The following AUTS2 variants were observed in gnomAD, a reference collection of about 807,000 sequenced individuals.
AUTS2 encodes the protein autism susceptibility gene 2 protein.
In AUTS2, 17 loss-of-function variants were observed where a neutral mutation model predicts 112.4. The ratio of observed to expected loss-of-function variants is 0.15; its 90% CI spans 0.10 to 0.23. AUTS2 has a LOEUF of 0.23. AUTS2 is among the 10% of genes least tolerant of loss of function. The pLI is 1.00. For missense variants in AUTS2, 1,510 were observed against 1,701.6 expected (o/e 0.89, Z 1.98); for synonymous variants, 751 against 702.7 (o/e 1.07, Z -1.09).
intron 4 of AUTS2, among the ~76,000 whole-genome samples, chr7:70,340,257 T>G (rs1343147293): frequency 6.6e-6 from 1 of 151,540 alleles, no homozygotes; most frequent in Non-Finnish European, 1.5e-5. Context: ...CCAGTACACA[T>G]TTTTTTTAAT....
chr7:70,582,642 T>C (rs965409273), intron 5 of AUTS2, among the ~76,000 whole-genome samples: 12 of 152,166 alleles, frequency 7.9e-5, no homozygotes, highest in Admixed American at 5.9e-4. Flanking sequence ...AAAGTGTGGG[T>C]AGAATGCTGA....
chr7:69,944,187 T>C (rs1796725382), intron 2 of AUTS2, among the ~76,000 whole-genome samples: 1 of 152,192 alleles, frequency 6.6e-6, no homozygotes, highest in Non-Finnish European at 1.5e-5. Context: ...ACTCGACTTG[T>C]GACCTTGAGG....
intron 2 of AUTS2, among the ~76,000 whole-genome samples, chr7:70,062,557 C>T (rs186467329): frequency 2.0e-5 from 3 of 151,672 alleles, no homozygotes; most frequent in Admixed American, 2.0e-4. Context: ...TTTATCCCAA[C>T]GTACATTGTT....
chr7:69,824,257 C>CA (rs1791138654), intron 1 of AUTS2, among the ~76,000 whole-genome samples: 2 of 151,810 alleles, frequency 1.3e-5, no homozygotes, highest in South Asian at 4.2e-4. Flanking sequence ...ACTAAAAATA[C>CA]AAAAAATTAG....
chr7:70,658,763 C>G (rs924959375), intron 5 of AUTS2, among the ~76,000 whole-genome samples: 4 of 152,126 alleles, frequency 2.6e-5, no homozygotes, highest in African/African-American at 7.2e-5. Context: ...TCATGGTAAG[C>G]CTGCGTATTT....
intron 2 of AUTS2, among the ~76,000 whole-genome samples, chr7:70,014,141 A>C (rs930931859): frequency 6.6e-6 from 1 of 152,214 alleles, no homozygotes; most frequent in Admixed American, 6.5e-5. Context: ...TAACTATAAA[A>C]ATGAGTGTAA....
intron 2 of AUTS2, among the ~76,000 whole-genome samples, chr7:70,030,047 G>A (rs183935373): frequency 4.3e-4 from 65 of 152,284 alleles, no homozygotes; most frequent in Middle Eastern, 3.4e-3. Flanking sequence ...GAAAATCTCA[G>A]CAGATTACTC....
rs142625800 is a variant in AUTS2, at chr7:70,625,224, C to T, written c.691-73345C>T. Among the ~76,000 whole-genome samples the T allele has an allele frequency of 2.2e-3, 336 of 152,292 alleles. 1 individual carries two copies. The highest frequency in any genetic ancestry group is 6.8e-3 in the Middle Eastern group (2 of 294). ...TAGGGGGTCATCTCTGTTCTCTGCA[C>T]CCCCATATCTCTAGAACCCCCCATT... On this transcript the variant is annotated intron_variant, in intron 5 of 18. Coordinates refer to ENST00000342771, the MANE Select transcript of AUTS2 (RefSeq NM_015570.4).
intron 4 of AUTS2, among the ~76,000 whole-genome samples, chr7:70,241,813 A>C (rs1812629720): frequency 2.0e-5 from 3 of 152,190 alleles, no homozygotes; most frequent in Admixed American, 2.0e-4. Context: ...TCTCTGAAAA[A>C]AGCTTTGATT....
intron 5 of AUTS2, among the ~76,000 whole-genome samples, chr7:70,669,387 C>T (rs192608699): frequency 6.6e-6 from 1 of 152,350 alleles, no homozygotes; most frequent in Admixed American, 6.5e-5. Flanking sequence ...GATCTTGTTT[C>T]TCTGGCTTTC....
At chr7:70,360,901 A>G (rs570191717) in intron 4 of AUTS2, among the ~76,000 whole-genome samples, 2 of 152,306 alleles carry the variant, frequency 1.3e-5, no homozygotes, top group East Asian at 3.9e-4. Context: ...CTCCAAAATG[A>G]TTCCACACAC....
chr7:70,490,172 A>C (rs1798176723), intron 5 of AUTS2, among the ~76,000 whole-genome samples: 1 of 152,162 alleles, frequency 6.6e-6, no homozygotes, highest in African/African-American at 2.4e-5. Context: ...AATAATAAAG[A>C]AAATAGCAGA....
chr7:70,779,250 CCTGTAGATTTGAGCAGA>C (rs1226832756), intron 14 of AUTS2, among the ~76,000 whole-genome samples: 1 of 152,156 alleles, frequency 6.6e-6, no homozygotes, highest in Non-Finnish European at 1.5e-5. Context: ...TATAGCATTC[CCTGTAGATTTGAGCAGA>C]AATTACATCT....
At chr7:69,978,137 A>G (rs540923880) in intron 2 of AUTS2, among the ~76,000 whole-genome samples, 2 of 152,174 alleles carry the variant, frequency 1.3e-5, no homozygotes, top group African/African-American at 2.4e-5. Context: ...TATTATCTTC[A>G]TCTTTCTCCT....
At chr7:70,170,416 G>A (rs1021488268) in intron 4 of AUTS2, among the ~76,000 whole-genome samples, 5 of 151,736 alleles carry the variant, frequency 3.3e-5, no homozygotes, top group Non-Finnish European at 5.9e-5. Flanking sequence ...CCTTCCTGGT[G>A]GGATTACAGG....
At chr7:69,712,844 A>T (rs887410929) in intron 1 of AUTS2, among the ~76,000 whole-genome samples, 3 of 152,172 alleles carry the variant, frequency 2.0e-5, no homozygotes, top group African/African-American at 7.2e-5. Flanking sequence ...CTAGCAGTGT[A>T]TGACAGTTCT....
rs75244615 is a variant in AUTS2, at chr7:70,266,245, G to C, written c.660+131674G>C. 7.3e-3 allele frequency among the ~76,000 whole-genome samples: 1,113 copies of C among 152,290 alleles called. 18 individuals carry two copies. Among genetic ancestry groups the C allele is most frequent in the African/African-American group, 0.026 (1,066 of 41,568 alleles). On this transcript the variant is annotated intron_variant, in intron 4 of 18. Transcript: ENST00000342771. ...TGGAGTACCACACGTGCTACAGCATGGCTGAACCTTGGAAACATTATGCTA... is the reference window on the plus strand; with the variant it reads ...TGGAGTACCACACGTGCTACAGCATCGCTGAACCTTGGAAACATTATGCTA...
At chr7:70,379,644 T>TA (rs1793277637) in intron 4 of AUTS2, among the ~76,000 whole-genome samples, 1 of 152,234 alleles carries the variant, frequency 6.6e-6, no homozygotes, top group Non-Finnish European at 1.5e-5. Flanking sequence ...TGTAGCTTGG[T>TA]AGACTGGCTG....
chr7:69,957,418 T>C (rs1447245950), intron 2 of AUTS2, among the ~76,000 whole-genome samples: 2 of 152,114 alleles, frequency 1.3e-5, no homozygotes, highest in African/African-American at 4.8e-5. Context: ...ATGATTTACC[T>C]TGTCCTGAAT....
Sources: allele counts gnomAD v4.1 joint callset (sites outside exome capture counted in the v4.1 genomes callset), GRCh38; gene constraint gnomAD v4.1.1; transcripts MANE v1.5; gene names NCBI Gene and HGNC (gene_info 2026-07-23, HGNC 2026-07-21).